Variants in TPCN1 observed in about 807,000 individuals in gnomAD.
TPCN1 encodes the protein two pore segment channel 1.
A neutral mutation model predicts 108.8 loss-of-function variants in TPCN1; 52 were observed. That is an observed-to-expected ratio of 0.48 (90% confidence interval 0.38 to 0.60). The LOEUF (loss-of-function observed/expected upper bound fraction) is 0.60. TPCN1 is among the 20% of genes least tolerant of loss of function. The probability of loss-of-function intolerance (pLI) is 0.00; values close to 1 mark genes in which losing one functional copy is unlikely to be tolerated. For missense variants in TPCN1, 806 were observed against 1,072.8 expected (o/e 0.75, Z 3.47); for synonymous variants, 446 against 433.7 (o/e 1.03, Z -0.35).
chr12:113,285,788 C>A, intron 17 of TPCN1, 101 bp from the exon 18 acceptor site: 2 of 1,032,604 alleles, frequency 1.9e-6, no homozygotes, highest in Non-Finnish European at 3.0e-6. Context: ...GGGCTTATGG[C>A]CAGCAGGGAG....
At chr12:113,271,414 CT>C (rs1256295612) in intron 7 of TPCN1, among the ~76,000 whole-genome samples, 4 of 152,236 alleles carry the variant, frequency 2.6e-5, no homozygotes, top group Admixed American at 2.6e-4. Context: ...AAGGTACCCC[CT>C]GTCCTACGCT....
At chr12:113,224,263 C>A (rs897575706) in intron 1 of TPCN1, among the ~76,000 whole-genome samples, 1 of 152,188 alleles carries the variant, frequency 6.6e-6, no homozygotes, top group African/African-American at 2.4e-5. Context: ...AAATACCCAC[C>A]ACACCCATCC....
intron 17 of TPCN1, among the ~76,000 whole-genome samples, 190 bp from the exon 18 acceptor site, chr12:113,285,698 CA>C (rs1956051528): frequency 6.6e-6 from 1 of 152,332 alleles, no homozygotes; most frequent in African/African-American, 2.4e-5. Flanking sequence ...GCAGATTACC[CA>C]GTTGGCCACC....
intron 10 of TPCN1, among the ~76,000 whole-genome samples, chr12:113,275,659 G>A (rs1049837146): frequency 6.7e-6 from 1 of 150,184 alleles, no homozygotes; most frequent in African/African-American, 2.5e-5. Flanking sequence ...TACAACCTCC[G>A]CCTCCTGGAT....
At position 113,240,011 on chromosome 12, in the gene TPCN1, T is replaced by C. The variant is rs561751048; in HGVS notation, c.112+13047T>C. 8.4e-4 allele frequency among the ~76,000 whole-genome samples: 128 copies of C among 152,264 alleles called. 1 individual carries two copies. The highest frequency in any genetic ancestry group is 3.0e-3 in the African/African-American group (124 of 41,560). On this transcript the variant is annotated intron_variant, in intron 2 of 27. Transcript: ENST00000335509. ...GGTGGTCGTCGACAAGCATGATGTC[T>C]TCTCTCTGTGACTCTCGAGGGGCCT...
chr12:113,235,354 C>T (rs1272059644), intron 2 of TPCN1, among the ~76,000 whole-genome samples: 1 of 152,140 alleles, frequency 6.6e-6, no homozygotes, highest in East Asian at 1.9e-4. Context: ...ATTCTCCGTT[C>T]TTATCTTCAT....
intron 1 of TPCN1, among the ~76,000 whole-genome samples, chr12:113,222,616 A>G (rs1204215414): frequency 6.6e-6 from 1 of 152,250 alleles, no homozygotes; most frequent in African/African-American, 2.4e-5. Context: ...AAGCAGTCAT[A>G]TATTAAACAG....
At chr12:113,261,958 A>G (rs1013525584) in intron 3 of TPCN1, among the ~76,000 whole-genome samples, 3 of 152,154 alleles carry the variant, frequency 2.0e-5, no homozygotes, top group Admixed American at 1.3e-4. Context: ...TTGATGTTTC[A>G]GCATGGAATC....
intron 26 of TPCN1, 74 bp downstream of exon 26, chr12:113,293,147 T>A: frequency 6.2e-7 from 1 of 1,600,528 alleles, no homozygotes; most frequent in Non-Finnish European, 8.5e-7. Flanking sequence ...TTCCCTCAGA[T>A]ATTGGTAACA....
intron 2 of TPCN1, among the ~76,000 whole-genome samples, chr12:113,248,086 A>C (rs1408718418): frequency 1.3e-5 from 2 of 152,252 alleles, no homozygotes; most frequent in African/African-American, 4.8e-5. Flanking sequence ...AGGTTTTTAC[A>C]AATACAAACT....
Position 113,231,582 on chromosome 12 carries a change from A to G in TPCN1, c.112+4618A>G, listed in dbSNP as rs1418113963. ...GCCATCACACTCCTACCCATTCTTC[A>G]GAGGCAGGGACTGAGGAATCTGGCT... is the stretch of plus-strand genomic sequence containing the variant. On this transcript the variant is annotated intron_variant, in intron 2 of 27. Transcript: ENST00000335509. The surrounding 1 kb of genome is among the most constrained non-coding windows in gnomAD (Gnocchi z 4.3). 2.0e-5 allele frequency among the ~76,000 whole-genome samples: 3 copies of G among 152,206 alleles called. No homozygotes were observed. The East Asian group carries it at 5.8e-4, about 29-fold the overall frequency.
At position 113,290,939 on chromosome 12, in the gene TPCN1, C is replaced by A; in HGVS notation, c.1913-13C>A. The A allele has an allele frequency of 6.2e-7, 1 of 1,613,692 alleles. No homozygotes were observed. Among genetic ancestry groups the A allele is most frequent in the Admixed American group, 1.7e-5 (1 of 60,022 alleles). On this transcript the variant is annotated splice_polypyrimidine_tract_variant and intron_variant, in intron 22 of 27. Coordinates refer to ENST00000335509, the MANE Select transcript of TPCN1 (RefSeq NM_017901.6). ...GTCTCATCAGGATGCTTCTTTCTCT[C>A]TTCCCTCGGCAGTGACCCTGTTTGA...
Position 113,269,864 on chromosome 12 carries a change from G to A in TPCN1, c.748+19G>A, listed in dbSNP as rs760761671. On this transcript the variant is annotated intron_variant, in intron 7 of 27. Coordinates refer to ENST00000335509, the MANE Select transcript of TPCN1 (RefSeq NM_017901.6). This position sits in a 1 kb window ranked among gnomAD's most constrained non-coding sequence, Gnocchi z 5.0. The stretch of plus-strand genomic sequence containing the variant: ...ATCCTCGGTGAGTTCCCGCCTCTCA[G>A]GCCCAGGTGCGCTGGAAAAGCAAGT... 1.9e-6 allele frequency: 3 copies of A among 1,612,854 alleles called. No individual in the cohort carries two copies. The African/African-American group carries it at 4.0e-5, about 22-fold the overall frequency.
intron 19 of TPCN1, among the ~76,000 whole-genome samples, chr12:113,287,661 C>T (rs112606433): frequency 6.6e-5 from 10 of 152,212 alleles, no homozygotes; most frequent in Admixed American, 1.3e-4. Flanking sequence ...TCTCCCAAGG[C>T]GGGACAGGCG....
At chr12:113,247,472 C>T (rs913393984) in intron 2 of TPCN1, among the ~76,000 whole-genome samples, 6 of 152,234 alleles carry the variant, frequency 3.9e-5, no homozygotes, top group Non-Finnish European at 7.3e-5. Context: ...GCGGGAACAA[C>T]GCAGCACTCG....
intron 2 of TPCN1, among the ~76,000 whole-genome samples, chr12:113,233,348 C>T (rs1422992840): frequency 6.6e-6 from 1 of 152,236 alleles, no homozygotes; most frequent in African/African-American, 2.4e-5. Context: ...TGAGCCAGAA[C>T]CGTGAACTTC....
At position 113,268,018 on chromosome 12, in the gene TPCN1, C is replaced by A; in HGVS notation, c.528+62C>A. The A allele has an allele frequency of 8.5e-7, 1 of 1,178,400 alleles. No homozygotes were observed. Among genetic ancestry groups the A allele is most frequent in the Non-Finnish European group, 1.2e-6 (1 of 805,194 alleles). The allele number at this position is 1,178,400 out of a possible 1,614,324, so 73.0% of individuals were successfully genotyped here. A position where few individuals can be genotyped will look rare whatever the true frequency, so the allele number is the denominator to read the frequency against. Reference sequence around the variant, plus strand: ...CTTTTCTCCCATGTCACCTTCAAACCTGTCTCTTTGGTACAATTCAGAATC... The same window carrying A: ...CTTTTCTCCCATGTCACCTTCAAACATGTCTCTTTGGTACAATTCAGAATC... On this transcript the variant is annotated intron_variant, in intron 5 of 27. Transcript: ENST00000335509. The surrounding 1 kb of genome is among the most constrained non-coding windows in gnomAD (Gnocchi z 7.3).
chr12:113,269,880 A>G lies in TPCN1; in HGVS notation c.748+35A>G. On this transcript the variant is annotated intron_variant, in intron 7 of 27. Transcript: ENST00000335509. This position sits in a 1 kb window ranked among gnomAD's most constrained non-coding sequence, Gnocchi z 5.0. ...CGCCTCTCAGGCCCAGGTGCGCTGG[A>G]AAAGCAAGTTCACGGTGGATGAAAA... The G allele has an allele frequency of 6.2e-7, 1 of 1,603,986 alleles. No homozygotes were observed. Among genetic ancestry groups the G allele is most frequent in the Non-Finnish European group, 8.5e-7 (1 of 1,171,618 alleles).
rs1393180238 is a variant in TPCN1 at position 113,291,663 on chromosome 12, T to C, written c.2014T>C (p.Tyr672His). 1.9e-6 allele frequency: 3 copies of C among 1,613,820 alleles called. No individual in the cohort carries two copies. Among genetic ancestry groups the C allele is most frequent in the Non-Finnish European group, 2.5e-6 (3 of 1,179,938 alleles). The part of the protein sequence containing the change: ...HWSRLYFMTF[Y>H]IVTMVVMTII... ...GAGCCGCCTCTACTTCATGACCTTT[T>C]ACATTGTGACCATGGTAGGTCCCGG... Residue 672 changes from tyrosine (Y) to histidine (H), a missense_variant, in exon 24 of 28, where the codon TAC (tyrosine) becomes CAC (histidine). Physicochemically the swap from Tyr to His is moderately conservative, Grantham distance 83 (BLOSUM62 2). Coordinates refer to ENST00000335509, the MANE Select transcript of TPCN1 (RefSeq NM_017901.6).
Sources: allele counts gnomAD v4.1 joint callset (sites outside exome capture counted in the v4.1 genomes callset), GRCh38; gene constraint gnomAD v4.1.1; non-coding constraint Gnocchi (gnomAD v3.1); transcripts MANE v1.5; gene names NCBI Gene and HGNC (gene_info 2026-07-23, HGNC 2026-07-21).